NRG1: variants seen among roughly 807,000 people sequenced by gnomAD.
NRG1 encodes the protein neuregulin 1, also known as pro-neuregulin-1, membrane-bound isoform.
NRG1 carries 18 observed loss-of-function variants against 63.8 expected under a neutral mutation model. The observed-to-expected ratio is 0.28, with a 90% CI of 0.19 to 0.42. The LOEUF (loss-of-function observed/expected upper bound fraction) is 0.42. NRG1 is among the 10% of genes least tolerant of loss of function. The pLI is 1.00. For missense variants in NRG1, 762 were observed against 814.7 expected, an observed-to-expected ratio of 0.94 and a Z score of 0.79; for synonymous variants, 302 against 301.3, an observed-to-expected ratio of 1.00 and a Z score of -0.02.
intron 1 of NRG1, among the ~76,000 whole-genome samples, chr8:32,093,928 A>T (rs904478442): frequency 3.3e-5 from 5 of 152,180 alleles, no homozygotes; most frequent in African/African-American, 1.2e-4. Context: ...CCTGGATATG[A>T]TGCAAAAACA....
In NRG1 at chr8:32,192,950, T is replaced by C. The variant is rs113370907; in HGVS notation, c.38-402878T>C. 2.7e-3 allele frequency among the ~76,000 whole-genome samples: 412 copies of C among 152,246 alleles called. 3 individuals are homozygous for C. The highest frequency in any genetic ancestry group is 9.5e-3 in the African/African-American group (396 of 41,540). On this transcript the variant is annotated intron_variant, in intron 1 of 10. Coordinates refer to the NRG1 transcript ENST00000519301. ...CTTCCAACATAGTACATCATTTATT[T>C]AACAAGAACGTAAGCTCAACGGGGA... is the stretch of plus-strand genomic sequence containing the variant.
chr8:31,685,983 T>C (rs914402108), intron 1 of NRG1, among the ~76,000 whole-genome samples: 25 of 152,286 alleles, frequency 1.6e-4, no homozygotes, highest in African/African-American at 5.8e-4. Flanking sequence ...TGTGTGAACA[T>C]ATGTTTTTAT....
At chr8:31,639,741 C>G in intron 1 of NRG1, 1 of 1,361,930 alleles carries the variant, frequency 7.3e-7, no homozygotes, top group Non-Finnish European at 9.4e-7. Context: ...TTTGCCTTTT[C>G]TATTTTGCCT....
At chr8:32,684,330 G>GA (rs762504936) in intron 5 of NRG1, among the ~76,000 whole-genome samples, 3 of 152,042 alleles carry the variant, frequency 2.0e-5, no homozygotes, top group Non-Finnish European at 4.4e-5. Flanking sequence ...AAACACACAG[G>GA]AAAAAATATT....
At chr8:32,549,911 G>A (rs1833803701) in intron 1 of NRG1, among the ~76,000 whole-genome samples, 1 of 152,108 alleles carries the variant, frequency 6.6e-6, no homozygotes, top group South Asian at 2.1e-4. Flanking sequence ...AAGTCGCTTC[G>A]AGCGTACCCC....
chr8:32,104,086 T>G (rs1563790979), intron 1 of NRG1, among the ~76,000 whole-genome samples: 2 of 152,176 alleles, frequency 1.3e-5, no homozygotes, highest in African/African-American at 4.8e-5. Context: ...ATTAGACTAT[T>G]TTGTACTTGT....
chr8:31,708,714 G>C (rs1811421277), intron 1 of NRG1, among the ~76,000 whole-genome samples: 2 of 152,028 alleles, frequency 1.3e-5, no homozygotes, highest in Non-Finnish European at 1.5e-5. Flanking sequence ...CAAAGTGCTG[G>C]GATTACAGGC....
chr8:32,074,471 T>C (rs553124463), intron 1 of NRG1, among the ~76,000 whole-genome samples: 49 of 152,326 alleles, frequency 3.2e-4, no homozygotes, highest in African/African-American at 1.1e-3. Context: ...GATAGTGAAG[T>C]GGCCCAATGA....
chr8:32,013,665 C>G (rs987676808), intron 1 of NRG1, among the ~76,000 whole-genome samples: 1 of 152,084 alleles, frequency 6.6e-6, no homozygotes, highest in African/African-American at 2.4e-5. Flanking sequence ...GGCATGATCT[C>G]AGACTCCCAT....
intron 1 of NRG1, among the ~76,000 whole-genome samples, chr8:31,863,858 G>T (rs1183634030): frequency 1.3e-5 from 2 of 152,118 alleles, no homozygotes; most frequent in African/African-American, 4.8e-5. Context: ...ATAGCTTCAT[G>T]GGCATACCCA....
chr8:32,593,489 A>G (rs984704310), intron 1 of NRG1, among the ~76,000 whole-genome samples: 3 of 144,334 alleles, frequency 2.1e-5, no homozygotes, highest in Admixed American at 7.1e-5. Context: ...CTCTGTCTCT[A>G]TGAAAAATAC....
intron 1 of NRG1, among the ~76,000 whole-genome samples, chr8:31,933,474 G>A (rs1835034359): frequency 6.6e-6 from 1 of 151,876 alleles, no homozygotes; most frequent in East Asian, 1.9e-4. Context: ...TAGAAATGGG[G>A]TTTCATCATG....
At chr8:31,937,750 C>G (rs1801138332) in intron 1 of NRG1, among the ~76,000 whole-genome samples, 1 of 152,086 alleles carries the variant, frequency 6.6e-6, no homozygotes. Context: ...GCTGGCTTTC[C>G]CCCACTTCTC....
intron 1 of NRG1, among the ~76,000 whole-genome samples, chr8:31,662,698 T>C (rs957062800): frequency 2.0e-5 from 3 of 152,218 alleles, no homozygotes; most frequent in Non-Finnish European, 2.9e-5. Flanking sequence ...GTGTCTATTA[T>C]AGGATAAGTG....
chr8:32,046,267 A>G (rs1361585756), intron 1 of NRG1, among the ~76,000 whole-genome samples: 1 of 152,072 alleles, frequency 6.6e-6, no homozygotes, highest in East Asian at 1.9e-4. Flanking sequence ...TAATTATAAA[A>G]AGAAAACAAA....
intron 1 of NRG1, among the ~76,000 whole-genome samples, chr8:31,967,433 C>A (rs1806538147): frequency 6.6e-6 from 1 of 152,072 alleles, no homozygotes; most frequent in African/African-American, 2.4e-5. Flanking sequence ...TCTGAGTAGC[C>A]TCAGACAGTG....
rs1554557143 is a variant in NRG1 at position 32,486,627 on chromosome 8, A to ATTTT, written c.38-109189_38-109186dup. ...CCTCAAGAGGCTACAGAATTGCTGG[A>ATTTT]TTTTTTTTTTTTTTTGGAATGGAGT... On this transcript the variant is annotated intron_variant, in intron 1 of 10. Transcript: ENST00000519301. Among the ~76,000 whole-genome samples, 319 of 145,560 alleles carry ATTTT rather than the reference A, an allele frequency of 2.2e-3. 1 individual carries two copies. The highest frequency in any genetic ancestry group is 0.014 in the South Asian group (66 of 4,652).
At chr8:31,839,166 T>G (rs2129607413) in intron 1 of NRG1, among the ~76,000 whole-genome samples, 1 of 152,344 alleles carries the variant, frequency 6.6e-6, no homozygotes, top group Non-Finnish European at 1.5e-5. Context: ...GCCTTATAAC[T>G]TTAAAAGCCT....
At chr8:31,857,940 A>C (rs575795625) in intron 1 of NRG1, among the ~76,000 whole-genome samples, 1 of 152,286 alleles carries the variant, frequency 6.6e-6, no homozygotes, top group South Asian at 2.1e-4. Context: ...TGAGGAGTGT[A>C]GTGGCTGGCT....
Sources: allele counts gnomAD v4.1 joint callset (sites outside exome capture counted in the v4.1 genomes callset), GRCh38; gene constraint gnomAD v4.1.1; transcripts MANE v1.5; gene names NCBI Gene and HGNC (gene_info 2026-07-23, HGNC 2026-07-21).